The following CCNY variants were observed in gnomAD, a reference collection of about 807,000 sequenced individuals.
CCNY encodes the protein cyclin Y.
In CCNY, 19 loss-of-function variants were observed where a neutral mutation model predicts 42.8. The observed-to-expected ratio is 0.44, with a 90% CI of 0.31 to 0.65. The LOEUF (loss-of-function observed/expected upper bound fraction) is 0.65. Ranked by LOEUF, CCNY falls within the 30% of genes least tolerant of loss-of-function variation. CCNY has a pLI of 0.07. For missense variants in CCNY, 370 were observed against 437.3 expected, an observed-to-expected ratio of 0.85 and a Z score of 1.37; for synonymous variants, 165 against 162.7, an observed-to-expected ratio of 1.01 and a Z score of -0.11.
At chr10:35,478,842 G>A (rs1839585487) in intron 1 of CCNY, among the ~76,000 whole-genome samples, 1 of 151,906 alleles carries the variant, frequency 6.6e-6, no homozygotes, top group Admixed American at 6.6e-5. Context: ...TACCATCAGA[G>A]TGAACAGGCA....
chr10:35,566,923 A>G (rs1012226008), intron 9 of CCNY, among the ~76,000 whole-genome samples: 2 of 151,962 alleles, frequency 1.3e-5, no homozygotes, highest in African/African-American at 4.8e-5. Context: ...TATGTTGGCC[A>G]GGCTGGTCTA....
At chr10:35,351,762 T>C (rs758329687) in intron 1 of CCNY, among the ~76,000 whole-genome samples, 7 of 152,190 alleles carry the variant, frequency 4.6e-5, no homozygotes, top group Non-Finnish European at 8.8e-5. Flanking sequence ...AGGACCTTTT[T>C]TGGTAAAAGG....
At chr10:35,403,224 G>A (rs186664338) in intron 1 of CCNY, among the ~76,000 whole-genome samples, 2 of 152,294 alleles carry the variant, frequency 1.3e-5, no homozygotes, top group African/African-American at 2.4e-5. Flanking sequence ...TTCCACGACG[G>A]AAAGGAAATG....
chr10:35,254,453 T>C (rs1359832434), intron 3 of CCNY, among the ~76,000 whole-genome samples: 1 of 152,172 alleles, frequency 6.6e-6, no homozygotes, highest in Non-Finnish European at 1.5e-5. Flanking sequence ...TTGAGAATAG[T>C]GTGATGAATG....
chr10:35,357,867 TTATA>T (rs760008740), intron 1 of CCNY, among the ~76,000 whole-genome samples: 256 of 152,314 alleles, frequency 1.7e-3, no homozygotes, highest in Middle Eastern at 3.4e-3. Flanking sequence ...TTCTCATCAT[TTATA>T]TATTGATCAG....
chr10:35,452,425 A>G (rs1838937747), intron 1 of CCNY, among the ~76,000 whole-genome samples: 1 of 152,238 alleles, frequency 6.6e-6, no homozygotes, highest in Non-Finnish European at 1.5e-5. Context: ...TCAGATCAGT[A>G]ATAATACTGG....
intron 3 of CCNY, 28 bp from the exon 4 acceptor site, chr10:35,516,495 C>A (rs1202933539): frequency 3.3e-6 from 5 of 1,498,866 alleles, no homozygotes; most frequent in Non-Finnish European, 3.7e-6. Context: ...TGTGTAATTG[C>A]CTTAATCTTC....
intron 1 of CCNY, among the ~76,000 whole-genome samples, chr10:35,441,101 A>G (rs748799519): frequency 3.3e-5 from 5 of 152,188 alleles, no homozygotes; most frequent in Non-Finnish European, 5.9e-5. Flanking sequence ...AGAGTCCCAT[A>G]AGGAGCTAGA....
In CCNY at chr10:35,406,244, T is replaced by TA. The variant is rs61250239; in HGVS notation, c.154+69037_154+69038insA. 3.3e-4 allele frequency among the ~76,000 whole-genome samples: 49 copies of TA among 148,536 alleles called. 1 individual carries two copies. The highest frequency in any genetic ancestry group is 2.4e-3 in the Admixed American group (35 of 14,850). Reference sequence around the variant, plus strand: ...TTATTTATTTATTTATTTATTTATTTTTTTATTGATCATTCTTGGGTGTTT... The same window carrying TA: ...TTATTTATTTATTTATTTATTTATTTATTTTATTGATCATTCTTGGGTGTTT... On this transcript the variant is annotated intron_variant, in intron 1 of 9. Transcript: ENST00000374704.
At chr10:35,518,711 A>G (rs1384902508) in intron 4 of CCNY, among the ~76,000 whole-genome samples, 3 of 142,456 alleles carry the variant, frequency 2.1e-5, no homozygotes, top group Non-Finnish European at 3.0e-5. Context: ...TGGATTTTTA[A>G]CAGCTCTTGA....
chr10:35,322,918 A>G (rs542781788), intron 3 of CCNY, among the ~76,000 whole-genome samples: 3 of 152,092 alleles, frequency 2.0e-5, no homozygotes, highest in African/African-American at 7.2e-5. Flanking sequence ...ACTTTGGAAA[A>G]CAGTTTGGCC....
At chr10:35,403,083 C>G (rs1298085709) in intron 1 of CCNY, among the ~76,000 whole-genome samples, 1 of 124,874 alleles carries the variant, frequency 8.0e-6, no homozygotes, top group East Asian at 2.8e-4. Flanking sequence ...ATTTGCCAGT[C>G]CTGGGCGGGG....
intron 1 of CCNY, among the ~76,000 whole-genome samples, chr10:35,368,809 A>C (rs1836866224): frequency 7.2e-6 from 1 of 139,668 alleles, no homozygotes; most frequent in Non-Finnish European, 1.5e-5. Flanking sequence ...ATAGATCCTC[A>C]AAGGGGCTGC....
intron 7 of CCNY, among the ~76,000 whole-genome samples, chr10:35,545,529 G>A (rs1589195926): frequency 6.6e-6 from 1 of 152,134 alleles, no homozygotes; most frequent in South Asian, 2.1e-4. Context: ...TTTATGTAAG[G>A]GCCCCAATCA....
chr10:35,251,931 A>C (rs1186510512), intron 3 of CCNY, among the ~76,000 whole-genome samples: 2 of 152,110 alleles, frequency 1.3e-5, no homozygotes, highest in Non-Finnish European at 2.9e-5. Context: ...ACTTTCAGAC[A>C]CCTACAGCCC....
rs539641362 is a variant in CCNY at position 35,476,900 on chromosome 10, A to G, written c.155-6504A>G. Among the ~76,000 whole-genome samples, 417 of 152,314 alleles carry G rather than the reference A, an allele frequency of 2.7e-3. 3 individuals are homozygous for G. Among genetic ancestry groups the G allele is most frequent in the African/African-American group, 9.5e-3 (394 of 41,560 alleles). On this transcript the variant is annotated intron_variant, in intron 1 of 9. Transcript: ENST00000374704. Reference sequence around the variant, plus strand: ...TTGATAGACCACTAGCAAGACTAATAAAGAAGAAAAGAGAGAAGAATCAAA... The same window carrying G: ...TTGATAGACCACTAGCAAGACTAATGAAGAAGAAAAGAGAGAAGAATCAAA...
chr10:35,257,870 A>G (rs1400597701), intron 3 of CCNY, among the ~76,000 whole-genome samples: 6 of 152,182 alleles, frequency 3.9e-5, no homozygotes, highest in East Asian at 3.9e-4. Context: ...CATAATATGT[A>G]TGTTGGTCTA....
intron 2 of CCNY, among the ~76,000 whole-genome samples, chr10:35,486,619 C>G (rs1360328436): frequency 2.6e-5 from 4 of 152,220 alleles, no homozygotes; most frequent in African/African-American, 9.7e-5. Flanking sequence ...GCTTCCTTAA[C>G]CTTTCTCAAG....
chr10:35,530,261 G>A lies in CCNY; in HGVS notation c.579+18G>A, dbSNP rs746086238. 1 of 1,613,854 alleles carries A rather than the reference G, an allele frequency of 6.2e-7. No individual in the cohort carries two copies. The highest frequency in any genetic ancestry group is 1.1e-5 in the South Asian group (1 of 91,078). On this transcript the variant is annotated intron_variant, in intron 7 of 9. Transcript: ENST00000374704. The surrounding 1 kb of genome is among the most constrained non-coding windows in gnomAD (Gnocchi z 4.3). Reference sequence around the variant, plus strand: ...TCACCCTGGTGAGTGCCCTCAGGATGGCCACACCCATCCCCAGCCGAGGTG... The same window carrying A: ...TCACCCTGGTGAGTGCCCTCAGGATAGCCACACCCATCCCCAGCCGAGGTG...
Sources: allele counts gnomAD v4.1 joint callset (sites outside exome capture counted in the v4.1 genomes callset), GRCh38; gene constraint gnomAD v4.1.1; non-coding constraint Gnocchi (gnomAD v3.1); transcripts MANE v1.5; gene names NCBI Gene and HGNC (gene_info 2026-07-23, HGNC 2026-07-21).